The following MEMO1 variants were observed in gnomAD, a reference collection of about 807,000 sequenced individuals.
MEMO1 encodes the protein protein MEMO1.
MEMO1 carries 6 observed loss-of-function variants against 45.2 expected under a neutral mutation model. The observed-to-expected ratio is 0.13, with a 90% CI of 0.07 to 0.26. The LOEUF (loss-of-function observed/expected upper bound fraction) is 0.26. MEMO1 is among the 10% of genes least tolerant of loss of function. MEMO1 has a pLI of 1.00. For synonymous variants in MEMO1, 78 were observed against 124.3 expected (o/e 0.63, Z 2.48); for missense variants, 184 against 370.5 (o/e 0.50, Z 4.13).
chr2:31,926,119 C>T (rs1453638176), intron 4 of MEMO1, among the ~76,000 whole-genome samples: 1 of 152,150 alleles, frequency 6.6e-6, no homozygotes. Context: ...GTAATCTCAG[C>T]ACTTTGGGAG....
intron 6 of MEMO1, among the ~76,000 whole-genome samples, chr2:31,900,618 C>G (rs187256069): frequency 5.3e-5 from 8 of 151,638 alleles, no homozygotes; most frequent in Admixed American, 5.3e-4. Flanking sequence ...CACCATGGCA[C>G]GTGTATAACT....
At chr2:31,879,657 G>T (rs1305138111) in intron 8 of MEMO1, among the ~76,000 whole-genome samples, 1 of 152,114 alleles carries the variant, frequency 6.6e-6, no homozygotes, top group East Asian at 1.9e-4. Context: ...CAATCTGGCA[G>T]TATCATTTTA....
Position 31,933,352 on chromosome 2 carries a change from T to TAA in MEMO1, c.144-1218_144-1217insTT, listed in dbSNP as rs1558514359. On this transcript the variant is annotated intron_variant, in intron 3 of 9. Coordinates refer to ENST00000404530, the MANE Select transcript of MEMO1 (RefSeq NM_001301833.4). The stretch of plus-strand genomic sequence containing the variant: ...AAAAAAAAAAAAAAAAAAAAAAATT[T>TAA]ATATATATATATATATATATATATA... Among the ~76,000 whole-genome samples the TAA allele has an allele frequency of 8.4e-3, 103 of 12,202 alleles. 6 individuals are homozygous for TAA. The highest frequency in any genetic ancestry group is 0.015 in the South Asian group (4 of 260). The allele number at this position is 12,202 out of a possible 152,430, so 8.0% of individuals were successfully genotyped here. A position where few individuals can be genotyped will look rare whatever the true frequency, so the allele number is the denominator to read the frequency against.
chr2:31,893,071 T>C (rs568404555), intron 6 of MEMO1, among the ~76,000 whole-genome samples: 6 of 152,276 alleles, frequency 3.9e-5, no homozygotes, highest in East Asian at 1.9e-4. Context: ...ATCACCATTA[T>C]AATAAATGCT....
At chr2:31,890,929 A>C (rs554286101) in intron 7 of MEMO1, among the ~76,000 whole-genome samples, 26 of 152,308 alleles carry the variant, frequency 1.7e-4, no homozygotes, top group African/African-American at 6.0e-4. Flanking sequence ...CTTATGCAAA[A>C]AACTAATCTG....
At chr2:31,878,067 A>G (rs1160168423) in intron 8 of MEMO1, among the ~76,000 whole-genome samples, 1 of 152,190 alleles carries the variant, frequency 6.6e-6, no homozygotes, top group Non-Finnish European at 1.5e-5. Flanking sequence ...GGAATGCTGC[A>G]AGGGTAGGAT....
chr2:31,918,079 T>G, intron 5 of MEMO1, 42 bp from the exon 6 acceptor site: 3 of 1,410,856 alleles, frequency 2.1e-6, no homozygotes, highest in Non-Finnish European at 2.9e-6. Flanking sequence ...TATATTAATG[T>G]ATATCCTTAT....
At chr2:32,010,092 C>G in intron 2 of MEMO1, 95 bp downstream of exon 2, 2 of 568,086 alleles carry the variant, frequency 3.5e-6, no homozygotes, top group Non-Finnish European at 4.4e-6. Context: ...CTTCCCCGCC[C>G]GCCGCCGCCG....
At chr2:31,868,577 T>C (rs1208917032) in intron 9 of MEMO1, 85 bp from the exon 10 acceptor site, 7 of 1,289,596 alleles carry the variant, frequency 5.4e-6, no homozygotes, top group Non-Finnish European at 7.1e-6. Context: ...TTTGTCCACT[T>C]CACAGCTGAA....
intron 2 of MEMO1, among the ~76,000 whole-genome samples, chr2:31,971,863 G>C (rs554939914): frequency 6.6e-6 from 1 of 152,188 alleles, no homozygotes; most frequent in South Asian, 2.1e-4. Context: ...CCAGCTGCTC[G>C]GGAGGCTGAG....
chr2:31,925,385 A>C (rs1682928829), intron 4 of MEMO1, among the ~76,000 whole-genome samples: 1 of 147,812 alleles, frequency 6.8e-6, no homozygotes, highest in East Asian at 2.0e-4. Flanking sequence ...CTGAGGCAGG[A>C]GAATCGTTTG....
chr2:31,922,067 TAC>T (rs149826822), intron 4 of MEMO1, among the ~76,000 whole-genome samples: 1,898 of 152,192 alleles, frequency 0.012, 21 homozygotes, highest in South Asian at 0.025. Flanking sequence ...ATACAAAACT[TAC>T]AGACTCATAA....
chr2:31,991,108 A>G (rs541164485), intron 2 of MEMO1, among the ~76,000 whole-genome samples: 3 of 152,338 alleles, frequency 2.0e-5, no homozygotes, highest in South Asian at 2.1e-4. Flanking sequence ...GCTCTTGCTG[A>G]AAAAGAGAAA....
chr2:31,975,077 C>A (rs1669849818), intron 2 of MEMO1, among the ~76,000 whole-genome samples: 1 of 151,772 alleles, frequency 6.6e-6, no homozygotes, highest in Admixed American at 6.6e-5. Flanking sequence ...GAGGCTGAGG[C>A]AGGAGAATCG....
At chr2:31,962,088 T>A (rs572515068) in intron 2 of MEMO1, among the ~76,000 whole-genome samples, 1 of 152,142 alleles carries the variant, frequency 6.6e-6, no homozygotes, top group African/African-American at 2.4e-5. Context: ...GTAAAATTGT[T>A]CAGGTTGATA....
At chr2:32,003,775 G>C (rs554970532) in intron 2 of MEMO1, among the ~76,000 whole-genome samples, 1 of 152,328 alleles carries the variant, frequency 6.6e-6, no homozygotes, top group East Asian at 1.9e-4. Flanking sequence ...AATTTGGCCA[G>C]GCATGATAGC....
chr2:32,008,332 T>A (rs1674355131), intron 2 of MEMO1, among the ~76,000 whole-genome samples: 1 of 152,218 alleles, frequency 6.6e-6, no homozygotes, highest in Middle Eastern at 3.2e-3. Flanking sequence ...ACGCCGGTAA[T>A]CCCAGGACTT....
chr2:31,881,324 T>C (rs1434943081), intron 8 of MEMO1, among the ~76,000 whole-genome samples: 2 of 151,060 alleles, frequency 1.3e-5, no homozygotes, highest in African/African-American at 4.9e-5. Context: ...ACCTCGTCTC[T>C]ACAAAAAACT....
intron 6 of MEMO1, among the ~76,000 whole-genome samples, chr2:31,900,623 A>G (rs1051181883): frequency 6.6e-6 from 1 of 152,104 alleles, no homozygotes; most frequent in Non-Finnish European, 1.5e-5. Flanking sequence ...TGGCACGTGT[A>G]TAACTATGTA....
Sources: gnomAD v4.1 joint callset for allele counts (sites outside exome capture counted in the v4.1 genomes callset) on GRCh38, gnomAD v4.1.1 for gene constraint, MANE v1.5 for transcripts, NCBI Gene and HGNC (gene_info 2026-07-23, HGNC 2026-07-21) for gene names.